WNT3A: variants seen among roughly 807,000 people sequenced by gnomAD.
WNT3A encodes the protein Wnt family member 3A.
In WNT3A, 17 loss-of-function variants were observed where a neutral mutation model predicts 37.0. The observed-to-expected ratio is 0.46, with a 90% CI of 0.31 to 0.69. WNT3A has a LOEUF of 0.69. WNT3A is among the 30% of genes least tolerant of loss of function. The pLI, the probability that WNT3A is intolerant of heterozygous loss-of-function variation, is 0.05. For synonymous variants in WNT3A, 187 were observed against 211.0 expected, an observed-to-expected ratio of 0.89 and a Z score of 0.99; for missense variants, 411 against 510.2, an observed-to-expected ratio of 0.81 and a Z score of 1.87.
intron 2 of WNT3A, among the ~76,000 whole-genome samples, chr1:228,024,059 C>T (rs1009565678): frequency 1.3e-5 from 2 of 152,212 alleles, no homozygotes; most frequent in South Asian, 2.1e-4. Context: ...TTCAGGTTGA[C>T]GCATATGAGC....
chr1:228,018,528 GACTACAGGTGTGTGCC>G (rs1431760001), intron 1 of WNT3A, among the ~76,000 whole-genome samples: 1 of 152,024 alleles, frequency 6.6e-6, no homozygotes, highest in African/African-American at 2.4e-5. Flanking sequence ...AAGCAGCGGG[GACTACAGGTGTGTGCC>G]ACCACACCCA....
rs2030244333 is a variant in WNT3A, at chr1:228,007,773, G to A, written c.71+574G>A. On this transcript the variant is annotated intron_variant, in intron 1 of 3. Transcript: ENST00000284523. This position sits in a 1 kb window ranked among gnomAD's most constrained non-coding sequence, Gnocchi z 6.0. ...TGGGGGCCGGCCCTGGGCCCCGCGC[G>A]CCTCCCCGCCGCAGTCCGGGCACGG... Among the ~76,000 whole-genome samples, 1 of 151,064 alleles carries A rather than the reference G, an allele frequency of 6.6e-6. No individual in the cohort carries two copies. The highest frequency in any genetic ancestry group is 2.4e-5 in the African/African-American group (1 of 41,210).
At chr1:228,045,376 C>T (rs948948854) in intron 2 of WNT3A, among the ~76,000 whole-genome samples, 6 of 152,116 alleles carry the variant, frequency 3.9e-5, no homozygotes, top group African/African-American at 1.2e-4. Context: ...TGAGAAGGTC[C>T]GGCCAGGAGG....
chr1:228,009,493 T>G (rs574579315), intron 1 of WNT3A, among the ~76,000 whole-genome samples: 1 of 152,146 alleles, frequency 6.6e-6, no homozygotes, highest in South Asian at 2.1e-4. Flanking sequence ...CACCCCAGAT[T>G]AAGCATCACC....
At position 228,059,314 on chromosome 1, in the gene WNT3A, G is replaced by A; in HGVS notation, c.908G>A (p.Gly303Asp). 2 of 1,577,668 alleles carry A rather than the reference G, an allele frequency of 1.3e-6. No individual in the cohort carries two copies. Among genetic ancestry groups the A allele is most frequent in the Non-Finnish European group, 8.6e-7 (1 of 1,166,824 alleles). Residue 303 changes from glycine (G) to aspartate (D), a missense_variant, in exon 4 of 4, where the codon GGC becomes GAC. Coordinates refer to ENST00000284523, the MANE Select transcript of WNT3A (RefSeq NM_033131.4). ...CGCACCTGCAACGTCAGCTCGCACG[G>A]CATCGACGGCTGCGACCTGCTGTGC... ...RDRTCNVSSH[G>D]IDGCDLLCCG...
intron 2 of WNT3A, among the ~76,000 whole-genome samples, chr1:228,046,776 GTGTGTGCATGCGTGTGA>G (rs1184121043): frequency 6.7e-6 from 1 of 150,062 alleles, no homozygotes; most frequent in Non-Finnish European, 1.5e-5. Flanking sequence ...GGGTGTGCAT[GTGTGTGCATGCGTGTGA>G]TGTGTGCATG....
rs188525112 is a variant in WNT3A at position 228,049,107 on chromosome 1, G to A, written c.314-1549G>A. ...GGAGGCAGGGGCATTTGGGGCACTGGGGCTGGCCCTGGGGAGGCGGGCACT... is the reference window on the plus strand; with the variant it reads ...GGAGGCAGGGGCATTTGGGGCACTGAGGCTGGCCCTGGGGAGGCGGGCACT... On this transcript the variant is annotated intron_variant, in intron 2 of 3. Coordinates refer to ENST00000284523, the MANE Select transcript of WNT3A (RefSeq NM_033131.4). Among the ~76,000 whole-genome samples the A allele has an allele frequency of 9.8e-5, 15 of 152,354 alleles. No homozygotes were observed. The East Asian group carries it at 2.9e-3, about 29-fold the overall frequency.
chr1:228,054,169 C>G (rs2031618552), intron 3 of WNT3A, among the ~76,000 whole-genome samples: 1 of 152,188 alleles, frequency 6.6e-6, no homozygotes, highest in Admixed American at 6.5e-5. Context: ...TTGTCCTGTT[C>G]ACATGGGCAG....
rs564772565 is a variant in WNT3A, at chr1:228,054,621, C to T, written c.579+3700C>T. Among the ~76,000 whole-genome samples the T allele has an allele frequency of 3.8e-4, 46 of 121,994 alleles. 2 individuals carry two copies. The South Asian group carries it at 0.013, about 35-fold the overall frequency. The allele number at this position is 121,994 out of a possible 152,430, so 80.0% of individuals were successfully genotyped here. A position where few individuals can be genotyped will look rare whatever the true frequency, so the allele number is the denominator to read the frequency against. On this transcript the variant is annotated intron_variant, in intron 3 of 3. Coordinates refer to ENST00000284523, the MANE Select transcript of WNT3A (RefSeq NM_033131.4). ...CCAGCCTGGGCGACAGAGTGAGACT[C>T]TGTCTCAAAAAAAAAAAAAAAAAAA...
rs1337205131 is a variant in WNT3A, at chr1:228,007,753, G to A, written c.71+554G>A. On this transcript the variant is annotated intron_variant, in intron 1 of 3. Transcript: ENST00000284523. This position sits in a 1 kb window ranked among gnomAD's most constrained non-coding sequence, Gnocchi z 6.0. ...GAGCCGGCGGCGGGGCGCACTGGGG[G>A]CCGGCCCTGGGCCCCGCGCGCCTCC... 6.6e-6 allele frequency among the ~76,000 whole-genome samples: 1 copy of A among 152,008 alleles called. No homozygotes were observed. The highest frequency in any genetic ancestry group is 2.4e-5 in the African/African-American group (1 of 41,434).
intron 2 of WNT3A, among the ~76,000 whole-genome samples, chr1:228,049,097 T>C (rs1299829019): frequency 6.6e-6 from 1 of 152,196 alleles, no homozygotes; most frequent in Non-Finnish European, 1.5e-5. Context: ...CAGGGGCATT[T>C]GGGGCACTGG....
chr1:228,021,323 C>T (rs868626242), intron 1 of WNT3A, among the ~76,000 whole-genome samples: 2 of 152,190 alleles, frequency 1.3e-5, no homozygotes, highest in Admixed American at 6.5e-5. Context: ...GCACAGGTGT[C>T]GAATGCCTTT....
rs1356401490 is a variant in WNT3A at position 228,038,842 on chromosome 1, CA to C, written c.314-11813del. ...GCATGGAAAGGGCTGGCAGATCAGG[CA>C]GGGGGAAGGCCTGTGGGGTGGGGCA... is the stretch of plus-strand genomic sequence containing the variant. On this transcript the variant is annotated intron_variant, in intron 2 of 3. Coordinates refer to ENST00000284523, the MANE Select transcript of WNT3A (RefSeq NM_033131.4). This position sits in a 1 kb window ranked among gnomAD's most constrained non-coding sequence, Gnocchi z 5.7. Among the ~76,000 whole-genome samples, 3 of 152,130 alleles carry C rather than the reference CA, an allele frequency of 2.0e-5. No individual in the cohort carries two copies. The highest frequency in any genetic ancestry group is 7.2e-5 in the African/African-American group (3 of 41,436).
At chr1:228,052,039 A>G (rs56154605) in intron 3 of WNT3A, among the ~76,000 whole-genome samples, 2,855 of 152,278 alleles carry the variant, frequency 0.019, 66 homozygotes, top group African/African-American at 0.05. Flanking sequence ...ATTTGGAGGG[A>G]ACACAGATCC....
intron 2 of WNT3A, among the ~76,000 whole-genome samples, chr1:228,028,545 A>G (rs1331195494): frequency 6.6e-6 from 1 of 152,082 alleles, no homozygotes; most frequent in Non-Finnish European, 1.5e-5. Context: ...GCTGGTCTCA[A>G]ACTCCTGACC....
chr1:228,045,400 T>G (rs1212143675), intron 2 of WNT3A, among the ~76,000 whole-genome samples: 1 of 152,156 alleles, frequency 6.6e-6, no homozygotes, highest in Non-Finnish European at 1.5e-5. Context: ...GGTGGAGCTG[T>G]GTGCCATGCG....
chr1:228,036,309 G>A (rs1329500737), intron 2 of WNT3A, among the ~76,000 whole-genome samples: 2 of 152,144 alleles, frequency 1.3e-5, no homozygotes, highest in East Asian at 1.9e-4. Flanking sequence ...TGCATTGTGA[G>A]GGGTGCATGT....
chr1:228,013,648 C>T (rs527865267), intron 1 of WNT3A, among the ~76,000 whole-genome samples: 81 of 152,262 alleles, frequency 5.3e-4, no homozygotes, highest in African/African-American at 1.9e-3. Context: ...GTCCTGGGGA[C>T]CCTGGCCGGC....
At chr1:228,035,331 A>G (rs1225148876) in intron 2 of WNT3A, among the ~76,000 whole-genome samples, 3 of 152,230 alleles carry the variant, frequency 2.0e-5, no homozygotes, top group Admixed American at 6.5e-5. Flanking sequence ...GACAAAGCAG[A>G]GACATGAACC....
Sources: gnomAD v4.1 joint callset for allele counts (sites outside exome capture counted in the v4.1 genomes callset) on GRCh38, gnomAD v4.1.1 for gene constraint, Gnocchi (gnomAD v3.1) non-coding constraint, MANE v1.5 for transcripts, NCBI Gene and HGNC (gene_info 2026-07-23, HGNC 2026-07-21) for gene names.